Variants in PATJ observed in about 807,000 individuals in gnomAD.
PATJ encodes the protein PATJ crumbs cell polarity complex component.
A neutral mutation model predicts 224.9 loss-of-function variants in PATJ; 190 were observed. The ratio of observed to expected loss-of-function variants is 0.84; its 90% CI spans 0.75 to 0.95. The LOEUF (loss-of-function observed/expected upper bound fraction) is 0.95. Ranked by LOEUF, PATJ falls within the 40% of genes least tolerant of loss-of-function variation. PATJ has a pLI of 0.00. For missense variants in PATJ, 2,121 were observed against 2,270.3 expected (o/e 0.93, Z 1.34); for synonymous variants, 769 against 820.3 (o/e 0.94, Z 1.07).
At chr1:62,069,788 T>C (rs1351422971) in intron 31 of PATJ, among the ~76,000 whole-genome samples, 1 of 152,334 alleles carries the variant, frequency 6.6e-6, no homozygotes, top group East Asian at 1.9e-4. Context: ...TCCTCTGTTT[T>C]TCTTTTTGTT....
Position 61,844,510 on chromosome 1 carries a change from C to A in PATJ, c.2112+10725C>A, listed in dbSNP as rs572294190. Among the ~76,000 whole-genome samples the A allele has an allele frequency of 2.0e-5, 3 of 152,306 alleles. No individual in the cohort carries two copies. The South Asian group carries it at 6.2e-4, about 32-fold the overall frequency. ...CATGGCATCAATTACCCACTGTCAACTGCAGTCTGAAAATATTAAGCTATT... is the reference window on the plus strand; with the variant it reads ...CATGGCATCAATTACCCACTGTCAAATGCAGTCTGAAAATATTAAGCTATT... On this transcript the variant is annotated intron_variant, in intron 17 of 43. Coordinates refer to ENST00000642238, the MANE Select transcript of PATJ (RefSeq NM_001350145.3).
chr1:62,020,672 T>C (rs1037596166), intron 29 of PATJ, among the ~76,000 whole-genome samples: 9 of 152,198 alleles, frequency 5.9e-5, no homozygotes, highest in African/African-American at 2.2e-4. Flanking sequence ...TACACAAGAT[T>C]AAGGATGCTG....
At chr1:62,035,780 G>A (rs1650276064) in intron 29 of PATJ, among the ~76,000 whole-genome samples, 1 of 151,884 alleles carries the variant, frequency 6.6e-6, no homozygotes, top group African/African-American at 2.4e-5. Context: ...AGATCAGTTA[G>A]GTAAAATATG....
rs71654694 is a variant in PATJ, at chr1:61,774,120, A to AG, written c.721-1086_721-1085insG. Among the ~76,000 whole-genome samples the AG allele has an allele frequency of 1.7e-4, 5 of 29,242 alleles. No individual in the cohort carries two copies. In the South Asian group the frequency reaches 3.6e-3, roughly 21 times the overall value. The allele number at this position is 29,242 out of a possible 152,430, so 19.2% of individuals were successfully genotyped here. On this transcript the variant is annotated intron_variant, in intron 6 of 43. Coordinates refer to ENST00000642238, the MANE Select transcript of PATJ (RefSeq NM_001350145.3). Reference sequence around the variant, plus strand: ...GGGAGATAGAGCAAGACTCCATCTCAAAAAAAAAAAAAAAAAAAAAATTAG... The same window carrying AG: ...GGGAGATAGAGCAAGACTCCATCTCAGAAAAAAAAAAAAAAAAAAAAATTAG...
At chr1:61,946,584 C>T (rs556181855) in intron 27 of PATJ, among the ~76,000 whole-genome samples, 2 of 152,202 alleles carry the variant, frequency 1.3e-5, no homozygotes, top group African/African-American at 4.8e-5. Context: ...AATAGCCTAC[C>T]AACCAAACAA....
chr1:61,797,264 T>C, intron 10 of PATJ, 23 bp from the exon 11 acceptor site: 5 of 1,600,366 alleles, frequency 3.1e-6, no homozygotes, highest in Non-Finnish European at 4.3e-6. Flanking sequence ...AACCTCTGCT[T>C]AATGTTTCTC....
At chr1:61,904,558 A>G (rs1430898031) in intron 24 of PATJ, among the ~76,000 whole-genome samples, 1 of 152,230 alleles carries the variant, frequency 6.6e-6, no homozygotes, top group Non-Finnish European at 1.5e-5. Flanking sequence ...TGTCATCACC[A>G]CCAAACTCCC....
intron 21 of PATJ, among the ~76,000 whole-genome samples, chr1:61,878,641 C>T (rs1249799005): frequency 6.7e-6 from 1 of 149,468 alleles, no homozygotes; most frequent in Non-Finnish European, 1.5e-5. Flanking sequence ...TCCAGGAGTT[C>T]GAGACCAGCC....
intron 27 of PATJ, among the ~76,000 whole-genome samples, chr1:61,959,619 C>A (rs1178372180): frequency 6.6e-6 from 1 of 150,512 alleles, no homozygotes; most frequent in East Asian, 2.0e-4. Flanking sequence ...TTAAAAAATT[C>A]TTTGTAGAGA....
At chr1:62,137,410 A>C (rs1214806958) in intron 41 of PATJ, among the ~76,000 whole-genome samples, 12 of 69,266 alleles carry the variant, frequency 1.7e-4, no homozygotes, top group African/African-American at 4.9e-4. Context: ...AATGAGGGGG[A>C]ACAGCAGCCT....
intron 31 of PATJ, among the ~76,000 whole-genome samples, chr1:62,058,078 A>G (rs1654836828): frequency 6.6e-6 from 1 of 152,200 alleles, no homozygotes; most frequent in African/African-American, 2.4e-5. Flanking sequence ...TCATTGTGAA[A>G]TATAATTTCT....
chr1:61,849,214 G>GGA (rs1183497799), intron 17 of PATJ, among the ~76,000 whole-genome samples: 2 of 152,160 alleles, frequency 1.3e-5, no homozygotes, highest in Non-Finnish European at 2.9e-5. Context: ...TCCTTGTGAA[G>GGA]GACCTCTGTA....
At chr1:62,113,391 C>T (rs1361822363) in intron 34 of PATJ, among the ~76,000 whole-genome samples, 1 of 152,162 alleles carries the variant, frequency 6.6e-6, no homozygotes, top group Non-Finnish European at 1.5e-5. Context: ...AATCCCAGCA[C>T]TTTGAAAGTC....
At chr1:62,053,615 A>T (rs995785700) in intron 31 of PATJ, among the ~76,000 whole-genome samples, 2 of 152,156 alleles carry the variant, frequency 1.3e-5, no homozygotes, top group African/African-American at 2.4e-5. Context: ...GCTACTTGGG[A>T]GGCTGAGGCA....
intron 28 of PATJ, among the ~76,000 whole-genome samples, chr1:62,015,094 G>A (rs1646693142): frequency 6.6e-6 from 1 of 152,010 alleles, no homozygotes; most frequent in African/African-American, 2.4e-5. Context: ...GAGGTCAGGG[G>A]GTCAAGACCA....
rs1182925956 is a variant in PATJ at position 62,086,601 on chromosome 1, C to T, written c.4377+1953C>T. 6.6e-6 allele frequency among the ~76,000 whole-genome samples: 1 copy of T among 152,106 alleles called. No homozygotes were observed. Among genetic ancestry groups the T allele is most frequent in the African/African-American group, 2.4e-5 (1 of 41,428 alleles). ...TTTTCCACATTGGGCAGTAATGTAA[C>T]ATTTTTGTGGTAGTACTGTTGGGGG... On this transcript the variant is annotated intron_variant, in intron 33 of 43. Coordinates refer to ENST00000642238, the MANE Select transcript of PATJ (RefSeq NM_001350145.3). The surrounding 1 kb of genome is among the most constrained non-coding windows in gnomAD (Gnocchi z 4.0).
intron 12 of PATJ, among the ~76,000 whole-genome samples, chr1:61,803,819 C>A (rs1653019886): frequency 6.6e-6 from 1 of 152,086 alleles, no homozygotes; most frequent in African/African-American, 2.4e-5. Context: ...ATGAGGTTAG[C>A]TCTCTTTTTG....
chr1:61,927,914 CTG>C, intron 27 of PATJ, 85 bp downstream of exon 27: 1 of 945,386 alleles, frequency 1.1e-6, no homozygotes, highest in Non-Finnish European at 1.6e-6. Context: ...AAATATATGG[CTG>C]TGAGTTCTTC....
chr1:62,131,532 C>G (rs1035063180), intron 41 of PATJ, among the ~76,000 whole-genome samples: 5 of 152,074 alleles, frequency 3.3e-5, no homozygotes, highest in South Asian at 2.1e-4. Flanking sequence ...CCTGTAATCC[C>G]AGCTACTCAG....
Sources: allele counts gnomAD v4.1 joint callset (sites outside exome capture counted in the v4.1 genomes callset), GRCh38; gene constraint gnomAD v4.1.1; non-coding constraint Gnocchi (gnomAD v3.1); transcripts MANE v1.5; gene names NCBI Gene and HGNC (gene_info 2026-07-23, HGNC 2026-07-21).